MYLK: variants seen among roughly 807,000 people sequenced by gnomAD.
MYLK encodes the protein myosin light chain kinase.
A neutral mutation model predicts 203.4 loss-of-function variants in MYLK; 106 were observed. The ratio of observed to expected loss-of-function variants is 0.52; its 90% CI spans 0.45 to 0.61. MYLK has a LOEUF of 0.61. Among genes scored for constraint, MYLK ranks in the 20% least tolerant of loss-of-function variants. MYLK has a pLI of 0.00. For missense variants in MYLK, 2,072 were observed against 2,442.3 expected (o/e 0.85, Z 3.20); for synonymous variants, 867 against 959.5 (o/e 0.90, Z 1.78).
At chr3:123,847,278 G>A (rs1224609992) in intron 2 of MYLK, among the ~76,000 whole-genome samples, 1 of 152,080 alleles carries the variant, frequency 6.6e-6, no homozygotes, top group Admixed American at 6.6e-5. Flanking sequence ...GACACCCAAG[G>A]GAGGTCCTGG....
intron 23 of MYLK, among the ~76,000 whole-genome samples, chr3:123,657,825 G>A (rs562725395): frequency 6.6e-6 from 1 of 152,344 alleles, no homozygotes; most frequent in African/African-American, 2.4e-5. Flanking sequence ...GAGTGTGTGT[G>A]TCTGTCCTTC....
rs374926712 is a variant in MYLK, at chr3:123,876,676, T to C, written c.-185-59A>G. 16 of 152,314 alleles carry C rather than the reference T, an allele frequency of 1.1e-4. 1 individual carries two copies. The East Asian group carries it at 1.2e-3, about 11-fold the overall frequency. 9.4% of individuals were successfully genotyped at this position (152,314 alleles called of 1,614,324 possible). ...TTACATAGTGAAACATCAAATCAGG[T>C]TGACATCACAAACATCTGGAAAGCT... On this transcript the variant is annotated intron_variant, in intron 1 of 33. Transcript: ENST00000360304.
intron 4 of MYLK, among the ~76,000 whole-genome samples, chr3:123,762,240 CT>C (rs1005960886): frequency 6.8e-6 from 1 of 146,946 alleles, no homozygotes; most frequent in Admixed American, 6.7e-5. Context: ...TTTTTTTTTT[CT>C]TTTTTTGAGA....
At chr3:123,773,828 G>A (rs2063967486) in intron 4 of MYLK, among the ~76,000 whole-genome samples, 2 of 152,236 alleles carry the variant, frequency 1.3e-5, no homozygotes, top group East Asian at 1.9e-4. Flanking sequence ...CCCCTGCCAC[G>A]AAAACGTTGC....
intron 1 of MYLK, among the ~76,000 whole-genome samples, chr3:123,880,401 T>G (rs1362799048): frequency 6.6e-6 from 1 of 152,034 alleles, no homozygotes; most frequent in Non-Finnish European, 1.5e-5. Context: ...CCCCAAAGAT[T>G]ATGAGAAATA....
chr3:123,686,429 G>C (rs1040426519), intron 19 of MYLK, among the ~76,000 whole-genome samples: 1 of 151,892 alleles, frequency 6.6e-6, no homozygotes, highest in African/African-American at 2.4e-5. Context: ...CCCCACGCAG[G>C]GGGCATGAGG....
chr3:123,804,959 A>T (rs1037600200), intron 3 of MYLK, among the ~76,000 whole-genome samples: 1 of 152,130 alleles, frequency 6.6e-6, no homozygotes, highest in Non-Finnish European at 1.5e-5. Context: ...AGCAGGAAGC[A>T]CTGCTGACAG....
chr3:123,786,078 G>T (rs113244082), intron 4 of MYLK, among the ~76,000 whole-genome samples: 1 of 151,966 alleles, frequency 6.6e-6, no homozygotes, highest in African/African-American at 2.4e-5. Flanking sequence ...CGAGGTGGGC[G>T]GATCACCTGA....
chr3:123,692,707 G>A (rs2060726721), intron 19 of MYLK, 28 bp downstream of exon 19: 1 of 1,543,194 alleles, frequency 6.5e-7, no homozygotes, highest in African/African-American at 1.3e-5. Context: ...CTGTGTATGG[G>A]TGGCGGCGAT....
chr3:123,752,855 C>T (rs1200356755), intron 4 of MYLK, among the ~76,000 whole-genome samples: 1 of 152,136 alleles, frequency 6.6e-6, no homozygotes, highest in African/African-American at 2.4e-5. Context: ...CACCTTAGAC[C>T]AATTAGATTA....
intron 2 of MYLK, among the ~76,000 whole-genome samples, chr3:123,854,919 T>G (rs1420738946): frequency 6.6e-6 from 1 of 152,192 alleles, no homozygotes; most frequent in Non-Finnish European, 1.5e-5. Flanking sequence ...TCCTCTGTCT[T>G]CTTACCTCTC....
At chr3:123,807,262 C>A (rs559727321) in intron 3 of MYLK, among the ~76,000 whole-genome samples, 18 of 152,186 alleles carry the variant, frequency 1.2e-4, no homozygotes, top group African/African-American at 4.1e-4. Flanking sequence ...AACCTCCTCT[C>A]TATCAAAAAT....
chr3:123,639,599 C>A (rs2058762143), intron 28 of MYLK, among the ~76,000 whole-genome samples: 1 of 152,146 alleles, frequency 6.6e-6, no homozygotes, highest in Non-Finnish European at 1.5e-5. Flanking sequence ...AGGCATCTAC[C>A]AAAGTGCTTT....
chr3:123,665,725 G>A (rs2059713039), intron 22 of MYLK, among the ~76,000 whole-genome samples: 1 of 152,180 alleles, frequency 6.6e-6, no homozygotes, highest in Non-Finnish European at 1.5e-5. Context: ...CTAGATTTCT[G>A]GGTCAGTCAG....
chr3:123,854,052 A>C, intron 2 of MYLK, among the ~76,000 whole-genome samples: 1 of 151,570 alleles, frequency 6.6e-6, no homozygotes, highest in East Asian at 1.9e-4. Flanking sequence ...GAAGATGAGA[A>C]GCAATTTGGA....
At chr3:123,631,994 C>T (rs964202295) in intron 29 of MYLK, among the ~76,000 whole-genome samples, 5 of 151,942 alleles carry the variant, frequency 3.3e-5, no homozygotes, top group East Asian at 1.9e-4. Flanking sequence ...CTCAGCCTCC[C>T]GAGTAGCTGG....
chr3:123,849,848 C>G (rs1353762302), intron 2 of MYLK, among the ~76,000 whole-genome samples: 1 of 152,074 alleles, frequency 6.6e-6, no homozygotes, highest in Non-Finnish European at 1.5e-5. Flanking sequence ...CACCCATTAA[C>G]TCATCATTTA....
At chr3:123,756,396 G>A (rs78129050) in intron 4 of MYLK, among the ~76,000 whole-genome samples, 4,314 of 152,244 alleles carry the variant, frequency 0.028, 201 homozygotes, top group African/African-American at 0.096. Flanking sequence ...GTGTACCTAA[G>A]ACACCCCTAG....
intron 19 of MYLK, chr3:123,692,389 G>A (rs200628339): frequency 8.4e-7 from 1 of 1,187,554 alleles, no homozygotes; most frequent in East Asian, 5.6e-5. Context: ...TGTGGCTTTT[G>A]TAAAATACTC....
Sources: gnomAD v4.1 joint callset for allele counts (sites outside exome capture counted in the v4.1 genomes callset) on GRCh38, gnomAD v4.1.1 for gene constraint, MANE v1.5 for transcripts, NCBI Gene and HGNC (gene_info 2026-07-23, HGNC 2026-07-21) for gene names.